PRKRIP1: variants seen among roughly 807,000 people sequenced by gnomAD.
PRKRIP1 encodes the protein PRKR interacting protein 1.
A neutral mutation model predicts 29.3 loss-of-function variants in PRKRIP1; 29 were observed. The observed-to-expected ratio is 0.99, with a 90% CI of 0.74 to 1.35. The LOEUF (loss-of-function observed/expected upper bound fraction) is 1.35. Among genes scored for constraint, PRKRIP1 ranks in the 40% most tolerant of loss-of-function variants. PRKRIP1 has a pLI of 0.00. For missense variants in PRKRIP1, 247 were observed against 236.8 expected (o/e 1.04, Z -0.28); for synonymous variants, 90 against 85.1 (o/e 1.06, Z -0.32).
chr7:102,423,321 G>A, intron 5 of PRKRIP1: 1 of 377,292 alleles, frequency 2.7e-6, no homozygotes, highest in Non-Finnish European at 5.3e-6. Flanking sequence ...CCCCCATGTT[G>A]GTCAGGCTGG....
Position 102,412,400 on chromosome 7 carries a change from T to G in PRKRIP1, c.457+4902T>G, listed in dbSNP as rs1796411369. Reference sequence around the variant, plus strand: ...TGAGACCCCATCCCTACAAAATATTTAAAAATAAGCAAGGTGTGGTGGTGC... The same window carrying G: ...TGAGACCCCATCCCTACAAAATATTGAAAAATAAGCAAGGTGTGGTGGTGC... On this transcript the variant is annotated intron_variant, in intron 5 of 5. Coordinates refer to ENST00000397912, the MANE Select transcript of PRKRIP1 (RefSeq NM_024653.4). Among the ~76,000 whole-genome samples the G allele has an allele frequency of 2.0e-5, 3 of 151,990 alleles. No individual in the cohort carries two copies. The South Asian group carries it at 6.2e-4, about 32-fold the overall frequency.
At chr7:102,416,450 G>A (rs782473982) in intron 5 of PRKRIP1, among the ~76,000 whole-genome samples, 15 of 152,120 alleles carry the variant, frequency 9.9e-5, no homozygotes, top group African/African-American at 2.2e-4. Flanking sequence ...CCAGGGCACC[G>A]CGTCACATTG....
At chr7:102,408,299 G>T (rs1796285841) in intron 5 of PRKRIP1, among the ~76,000 whole-genome samples, 1 of 152,194 alleles carries the variant, frequency 6.6e-6, no homozygotes, top group Admixed American at 6.5e-5. Context: ...GCCATCACTA[G>T]CTGCCGTCAG....
intron 5 of PRKRIP1, among the ~76,000 whole-genome samples, chr7:102,422,447 A>C (rs1796719556): frequency 6.6e-6 from 1 of 151,520 alleles, no homozygotes; most frequent in Non-Finnish European, 1.5e-5. Context: ...CGGTTCAAGC[A>C]ATTCTTCTGC....
chr7:102,418,233 A>G (rs574622545), intron 5 of PRKRIP1, among the ~76,000 whole-genome samples: 1 of 151,736 alleles, frequency 6.6e-6, no homozygotes, highest in Non-Finnish European at 1.5e-5. Context: ...TATTTTTAGT[A>G]GAGACAGGGT....
chr7:102,416,970 CT>C (rs1796568319), intron 5 of PRKRIP1, among the ~76,000 whole-genome samples: 1 of 152,102 alleles, frequency 6.6e-6, no homozygotes, highest in Non-Finnish European at 1.5e-5. Context: ...ATTCTCCTGC[CT>C]CAGCCTCCTG....
At chr7:102,399,249 A>G (rs17135196) in intron 2 of PRKRIP1, among the ~76,000 whole-genome samples, 30,637 of 152,210 alleles carry the variant, frequency 0.2, 3,914 homozygotes, top group East Asian at 0.35. Flanking sequence ...CTAGAAATTT[A>G]GCGTGTCAAA....
At chr7:102,418,641 T>C (rs566244465) in intron 5 of PRKRIP1, among the ~76,000 whole-genome samples, 1 of 152,276 alleles carries the variant, frequency 6.6e-6, no homozygotes, top group Non-Finnish European at 1.5e-5. Flanking sequence ...CACCTCTCAC[T>C]CCAATAGTGA....
chr7:102,416,916 C>T (rs782296794), intron 5 of PRKRIP1, among the ~76,000 whole-genome samples: 3 of 151,790 alleles, frequency 2.0e-5, no homozygotes, highest in Non-Finnish European at 4.4e-5. Flanking sequence ...AGTGTGGTGG[C>T]GCGATCTTGG....
chr7:102,420,094 C>G (rs1365204363), intron 5 of PRKRIP1, among the ~76,000 whole-genome samples: 1 of 152,118 alleles, frequency 6.6e-6, no homozygotes, highest in African/African-American at 2.4e-5. Context: ...CCGTGTTGGC[C>G]AGGCTGGTCT....
chr7:102,396,424 G>C lies in PRKRIP1; in HGVS notation c.13G>C (p.Ala5Pro), dbSNP rs1554570322. MASP[A>P]ASSVRPPRPK... The stretch of plus-strand genomic sequence containing the variant: ...CTGGAAGGCTGCCATGGCTAGCCCA[G>C]CCGCCTCCTCGGTGCGACCACCGAG... The change falls in exon 1 of 6, where the codon GCC becomes CCC. Residue 5 changes from alanine to proline, a missense_variant. Ala to Pro is a conservative substitution (Grantham distance 27, BLOSUM62 -1). This residue lies in a region of PRKRIP1 where 105 missense variants were observed against 80.2 expected (regional missense o/e 1.31). Transcript: ENST00000397912. The C allele has an allele frequency of 6.3e-7, 1 of 1,584,834 alleles. No individual in the cohort carries two copies. The highest frequency in any genetic ancestry group is 1.1e-5 in the South Asian group (1 of 89,656).
chr7:102,422,463 C>A (rs1284358205), intron 5 of PRKRIP1, among the ~76,000 whole-genome samples: 3 of 152,066 alleles, frequency 2.0e-5, no homozygotes, highest in African/African-American at 7.2e-5. Context: ...TCTGCCTCAG[C>A]CTCCCAAGTA....
In PRKRIP1 at chr7:102,425,244, A is replaced by G. The variant is rs1554574312; in HGVS notation, c.*133A>G. 1.3e-6 allele frequency: 2 copies of G among 1,510,688 alleles called. No individual in the cohort carries two copies. The highest frequency in any genetic ancestry group is 1.8e-6 in the Non-Finnish European group (2 of 1,133,438). The allele number at this position is 1,510,688 out of a possible 1,614,324, so 93.6% of individuals were successfully genotyped here. A position where few individuals can be genotyped will look rare whatever the true frequency, so the allele number is the denominator to read the frequency against. ...TGGAGAGCAAAGGAGACCCCTCCCG[A>G]GCCGCTCACAGTCCTGTATTTGGCA... On this transcript the variant is annotated 3_prime_UTR_variant, in exon 6 of 6. Transcript: ENST00000397912.
At chr7:102,419,845 T>TTGTGTGTGTGTG (rs56752508) in intron 5 of PRKRIP1, among the ~76,000 whole-genome samples, 19 of 142,816 alleles carry the variant, frequency 1.3e-4, no homozygotes, top group African/African-American at 4.6e-4. Context: ...TTTTGTGTTT[T>TTGTGTGTGTGTG]TGTGTGTGTG....
rs1554570286 is a variant in PRKRIP1 at position 102,396,365 on chromosome 7, A to G, written c.-47A>G. The G allele has an allele frequency of 6.8e-7, 1 of 1,473,952 alleles. No homozygotes were observed. Among genetic ancestry groups the G allele is most frequent in the Non-Finnish European group, 9.0e-7 (1 of 1,116,354 alleles). 91.3% of individuals were successfully genotyped at this position (1,473,952 alleles called of 1,614,324 possible). ...CGCCGGCGCGCGGCTGTGTCGTCAT[A>G]CTTGCGCGCCGACGCCGCCGCTCGC... is the stretch of plus-strand genomic sequence containing the variant. On this transcript the variant is annotated 5_prime_UTR_variant, in exon 1 of 6. In the 5' UTR this introduces an upstream ATG that the reference lacks. Transcript: ENST00000397912.
chr7:102,407,589 T>C, intron 5 of PRKRIP1, 91 bp downstream of exon 5: 2 of 950,024 alleles, frequency 2.1e-6, no homozygotes, highest in Non-Finnish European at 1.7e-6. Context: ...ACGGAGAGTT[T>C]GGGCTGGTTG....
intron 5 of PRKRIP1, among the ~76,000 whole-genome samples, chr7:102,424,354 C>T (rs1367384109): frequency 3.3e-5 from 5 of 152,392 alleles, no homozygotes; most frequent in East Asian, 1.9e-4. Context: ...ATGGCTGAGC[C>T]GGGCCATCTG....
chr7:102,404,557 C>T (rs1554571594), intron 3 of PRKRIP1, 41 bp from the exon 4 acceptor site: 6 of 1,554,936 alleles, frequency 3.9e-6, no homozygotes, highest in Admixed American at 1.7e-5. Context: ...CACAGTCTGC[C>T]CAGACCAGAG....
rs1286792589 is a variant in PRKRIP1, at chr7:102,407,492, CAAG to C, written c.455_457del (p.Glu152del). 1.9e-6 allele frequency: 3 copies of C among 1,611,722 alleles called. No individual in the cohort carries two copies. The highest frequency in any genetic ancestry group is 2.5e-6 in the Non-Finnish European group (3 of 1,178,040). On this transcript the variant is annotated inframe_deletion, in exon 5 of 6. Transcript: ENST00000397912. ...GAAGATGAAACTTGAACAGAAGAAA[CAAG>C]AAGGTGAGTGGTGCCCACTTTTCTT...
Sources: gnomAD v4.1 joint callset for allele counts (sites outside exome capture counted in the v4.1 genomes callset) on GRCh38, gnomAD v4.1.1 for gene constraint, gnomAD v4.1.1 regional missense constraint, MANE v1.5 for transcripts, NCBI Gene and HGNC (gene_info 2026-07-23, HGNC 2026-07-21) for gene names.